The following MCOLN2 variants were observed in gnomAD, a reference collection of about 807,000 sequenced individuals.
The protein encoded by MCOLN2 is mucolipin TRP cation channel 2, also known as mucolipin-2.
MCOLN2 carries 57 observed loss-of-function variants against 67.5 expected under a neutral mutation model. The observed-to-expected ratio is 0.84, with a 90% CI of 0.68 to 1.05. MCOLN2 has a LOEUF of 1.05. Ranked by LOEUF, MCOLN2 falls within the 50% of genes least tolerant of loss-of-function variation. The pLI is 0.00. For synonymous variants in MCOLN2, 246 were observed against 233.3 expected (o/e 1.05, Z -0.50); for missense variants, 620 against 678.8 (o/e 0.91, Z 0.96).
chr1:84,932,275 A>G (rs897325670), intron 11 of MCOLN2, among the ~76,000 whole-genome samples: 4 of 152,114 alleles, frequency 2.6e-5, no homozygotes, highest in African/African-American at 9.7e-5. Flanking sequence ...AGTGCAGTGC[A>G]ATCCCAGCTC....
At position 84,958,936 on chromosome 1, in the gene MCOLN2, G is replaced by A. The variant is rs374468901; in HGVS notation, c.238-234C>T. ...ATTAGAAGAGATTACTGCTCCCAAT[G>A]ACTACTGACTCTACTGGCCTTTAAG... On this transcript the variant is annotated intron_variant, in intron 2 of 13. Transcript: ENST00000370608. Among the ~76,000 whole-genome samples the A allele has an allele frequency of 2.0e-3, 297 of 152,208 alleles. 1 individual carries two copies. The highest frequency in any genetic ancestry group is 6.8e-3 in the African/African-American group (284 of 41,536).
chr1:84,971,539 CACACACGAT>C (rs1181153976), intron 1 of MCOLN2, among the ~76,000 whole-genome samples: 4 of 148,660 alleles, frequency 2.7e-5, no homozygotes, highest in African/African-American at 7.6e-5. Flanking sequence ...CACACACACA[CACACACGAT>C]ATCTTATTGC....
In MCOLN2 at chr1:84,996,832, G is replaced by A. The variant is rs758610931; in HGVS notation, c.41C>T (p.Pro14Leu). ...QPYRFPQARI[P>L]ERGSGVFRLT... ...CCTGAAAACACCTGATCCTCTCTCC[G>A]GAATCCTTGCCTGGGGAAAACGATA... Residue 14 changes from proline to leucine, a missense_variant, in exon 1 of 14, where the codon CCG (proline) becomes CTG (leucine). Physicochemically the swap from Pro to Leu is moderately conservative, Grantham distance 98 (BLOSUM62 -3). Coordinates refer to ENST00000370608, the MANE Select transcript of MCOLN2 (RefSeq NM_153259.4). 6 of 1,614,068 alleles carry A rather than the reference G, an allele frequency of 3.7e-6. No homozygotes were observed. The South Asian group carries it at 5.5e-5, about 15-fold the overall frequency.
At chr1:84,943,768 T>A (rs1647927220) in intron 7 of MCOLN2, among the ~76,000 whole-genome samples, 1 of 152,206 alleles carries the variant, frequency 6.6e-6, no homozygotes, top group Non-Finnish European at 1.5e-5. Flanking sequence ...AGGGCAAGCG[T>A]ACTGGTTCCT....
chr1:84,954,166 C>T (rs911528382), intron 4 of MCOLN2, among the ~76,000 whole-genome samples: 7 of 152,194 alleles, frequency 4.6e-5, no homozygotes, highest in South Asian at 4.1e-4. Flanking sequence ...TCCTGATACA[C>T]GGGATACACT....
intron 1 of MCOLN2, among the ~76,000 whole-genome samples, chr1:84,981,395 G>C (rs764741748): frequency 6.9e-4 from 105 of 152,130 alleles, no homozygotes; most frequent in Non-Finnish European, 4.3e-4. Context: ...GCTAAGATTT[G>C]GAAGCAATCT....
chr1:84,996,973 T>C lies in MCOLN2; in HGVS notation c.-101A>G. The C allele has an allele frequency of 2.8e-6, 3 of 1,056,070 alleles. No individual in the cohort carries two copies. Among genetic ancestry groups the C allele is most frequent in the Non-Finnish European group, 2.9e-6 (2 of 692,580 alleles). The allele number at this position is 1,056,070 out of a possible 1,614,324, so 65.4% of individuals were successfully genotyped here. ...CCTCGCCGTAACGCGTCCGCCGAAG[T>C]TGGAGCCCTGCAAAGCGGGGTTCCC... On this transcript the variant is annotated 5_prime_UTR_variant, in exon 1 of 14. Coordinates refer to ENST00000370608, the MANE Select transcript of MCOLN2 (RefSeq NM_153259.4).
Position 84,987,514 on chromosome 1 carries a change from ATGTATATATG to A in MCOLN2, c.77+9272_77+9281del, listed in dbSNP as rs1557665687. On this transcript the variant is annotated intron_variant, in intron 1 of 13. Transcript: ENST00000370608. ...CATATGTATACATAGATGTATACAT[ATGTATATATG>A]TATACATCTATGTATACATAGATGT... 4.1e-4 allele frequency among the ~76,000 whole-genome samples: 23 copies of A among 56,666 alleles called. 1 individual carries two copies. Among genetic ancestry groups the A allele is most frequent in the African/African-American group, 1.1e-3 (20 of 17,790 alleles). The allele number at this position is 56,666 out of a possible 152,430, so 37.2% of individuals were successfully genotyped here. A position where few individuals can be genotyped will look rare whatever the true frequency, so the allele number is the denominator to read the frequency against.
At chr1:84,963,013 A>C (rs1649175485) in intron 2 of MCOLN2, among the ~76,000 whole-genome samples, 1 of 152,252 alleles carries the variant, frequency 6.6e-6, no homozygotes, top group African/African-American at 2.4e-5. Flanking sequence ...CCAACACTGC[A>C]AACTCTGAGG....
chr1:84,941,009 AT>A lies in MCOLN2; in HGVS notation c.848-19del. The A allele has an allele frequency of 6.5e-7, 1 of 1,532,442 alleles. No homozygotes were observed. The allele number at this position is 1,532,442 out of a possible 1,614,324, so 94.9% of individuals were successfully genotyped here. Reference sequence around the variant, plus strand: ...TTTCTGAGCTGAGGAATAAAACAGAATTCAAATGTTAAACACACCTTACCGG... The same window carrying A: ...TTTCTGAGCTGAGGAATAAAACAGAATCAAATGTTAAACACACCTTACCGG... On this transcript the variant is annotated intron_variant, in intron 7 of 13. Transcript: ENST00000370608.
chr1:84,969,570 C>CA (rs60003501), intron 1 of MCOLN2, among the ~76,000 whole-genome samples: 3,681 of 80,516 alleles, frequency 0.046, 77 homozygotes, highest in Non-Finnish European at 0.073. Context: ...GACTCTGCCT[C>CA]AAAAAAAAAA....
At chr1:84,967,405 T>C (rs570539197) in intron 1 of MCOLN2, among the ~76,000 whole-genome samples, 2 of 152,334 alleles carry the variant, frequency 1.3e-5, no homozygotes, top group East Asian at 3.9e-4. Context: ...TACTCATTTC[T>C]TGGAAAGGTT....
intron 1 of MCOLN2, among the ~76,000 whole-genome samples, chr1:84,978,357 A>G (rs1451502148): frequency 6.6e-6 from 1 of 152,082 alleles, no homozygotes. Context: ...ACGAAACCCA[A>G]AATTAGTAGA....
At chr1:84,930,461 C>T (rs1428666952) in intron 12 of MCOLN2, among the ~76,000 whole-genome samples, 1 of 151,964 alleles carries the variant, frequency 6.6e-6, no homozygotes, top group Non-Finnish European at 1.5e-5. Context: ...TCCCTCCCCT[C>T]ATGCTTAATG....
intron 13 of MCOLN2, among the ~76,000 whole-genome samples, chr1:84,929,113 C>A (rs1333836836): frequency 6.6e-6 from 1 of 152,200 alleles, no homozygotes; most frequent in Non-Finnish European, 1.5e-5. Context: ...CTGGTGTGCA[C>A]GGATAAGCAA....
chr1:84,966,985 C>A (rs1012876145), intron 1 of MCOLN2, among the ~76,000 whole-genome samples: 1 of 152,148 alleles, frequency 6.6e-6, no homozygotes, highest in African/African-American at 2.4e-5. Flanking sequence ...AAAGAATATA[C>A]ATTATATAAC....
chr1:84,950,718 A>G (rs2102832572), intron 6 of MCOLN2, among the ~76,000 whole-genome samples: 1 of 152,290 alleles, frequency 6.6e-6, no homozygotes, highest in East Asian at 1.9e-4. Context: ...TAGGTGATCA[A>G]ATCCACATGC....
chr1:84,929,544 A>T lies in MCOLN2; in HGVS notation c.1664+14T>A. Reference sequence around the variant, plus strand: ...GCCCATCTCAGGAGCATGGAGAATAAACATGATACTGACCTCCTCCGACAG... The same window carrying T: ...GCCCATCTCAGGAGCATGGAGAATATACATGATACTGACCTCCTCCGACAG... On this transcript the variant is annotated intron_variant, in intron 13 of 13. Coordinates refer to ENST00000370608, the MANE Select transcript of MCOLN2 (RefSeq NM_153259.4). The T allele has an allele frequency of 6.2e-7, 1 of 1,602,536 alleles. No individual in the cohort carries two copies. Among genetic ancestry groups the T allele is most frequent in the Non-Finnish European group, 8.5e-7 (1 of 1,172,442 alleles).
chr1:84,936,059 G>A (rs573939628), intron 11 of MCOLN2, among the ~76,000 whole-genome samples: 2 of 152,262 alleles, frequency 1.3e-5, no homozygotes, highest in African/African-American at 4.8e-5. Context: ...TCCCATCTCT[G>A]CCACTTTCTA....
Sources: allele counts gnomAD v4.1 joint callset (sites outside exome capture counted in the v4.1 genomes callset), GRCh38; gene constraint gnomAD v4.1.1; transcripts MANE v1.5; gene names NCBI Gene and HGNC (gene_info 2026-07-23, HGNC 2026-07-21).